Variants in GATM observed in about 807,000 individuals in gnomAD.
The protein encoded by GATM is glycine amidinotransferase.
A neutral mutation model predicts 54.2 loss-of-function variants in GATM; 23 were observed. The observed-to-expected ratio is 0.42, with a 90% CI of 0.31 to 0.60. The LOEUF (loss-of-function observed/expected upper bound fraction) is 0.60, where lower values mean the gene tolerates loss of function less well. Ranked by LOEUF, GATM falls within the 20% of genes least tolerant of loss-of-function variation. The pLI is 0.14. For missense variants in GATM, 401 were observed against 544.9 expected (o/e 0.74, Z 2.63); for synonymous variants, 168 against 183.1 (o/e 0.92, Z 0.67).
At chr15:45,377,581 G>A in intron 1 of GATM, 1 of 282,250 alleles carries the variant, frequency 3.5e-6, no homozygotes, top group South Asian at 3.4e-5. Flanking sequence ...CAACCCCTGA[G>A]CAAACCTCAA....
intron 8 of GATM, chr15:45,363,573 T>C (rs1407611017): frequency 1.7e-5 from 7 of 422,950 alleles, no homozygotes; most frequent in Non-Finnish European, 3.0e-5. Context: ...GATTTCTTAT[T>C]TGAAGAAGGG....
intron 3 of GATM, among the ~76,000 whole-genome samples, chr15:45,388,841 A>G (rs1045992643): frequency 1.3e-5 from 2 of 152,086 alleles, no homozygotes; most frequent in East Asian, 1.9e-4. Context: ...TTTCCTTTTC[A>G]TACTTTATTC....
At position 45,361,415 on chromosome 15, in the gene GATM, TTGAAA is replaced by T. The variant is rs1386140793; in HGVS notation, c.*689_*693del. On this transcript the variant is annotated 3_prime_UTR_variant, in exon 9 of 9. Transcript: ENST00000396659. ...AGAGAAAAAGATTAAAATAATTCAC[TTGAAA>T]TGAGGTAAGATGTATATGAAAAGGT... 6.6e-6 allele frequency: 1 copy of T among 152,172 alleles called. No individual in the cohort carries two copies. Among genetic ancestry groups the T allele is most frequent in the African/African-American group, 2.4e-5 (1 of 41,450 alleles). The allele number at this position is 152,172 out of a possible 1,614,324, so 9.4% of individuals were successfully genotyped here. A position where few individuals can be genotyped will look rare whatever the true frequency, so the allele number is the denominator to read the frequency against.
chr15:45,374,783 T>C (rs1566842208), intron 2 of GATM, among the ~76,000 whole-genome samples: 1 of 152,182 alleles, frequency 6.6e-6, no homozygotes, highest in Non-Finnish European at 1.5e-5. Context: ...TATTAATACC[T>C]CTAGAGCCCT....
At chr15:45,394,203 G>T (rs977922715) in intron 3 of GATM, among the ~76,000 whole-genome samples, 2 of 152,196 alleles carry the variant, frequency 1.3e-5, no homozygotes, top group African/African-American at 4.8e-5. Flanking sequence ...AGCAGCATTA[G>T]ATCATCATAG....
upstream of GATM, chr15:45,380,212 A>G (rs1243626587): frequency 6.9e-6 from 1 of 144,562 alleles, no homozygotes; most frequent in Non-Finnish European, 1.5e-5. Context: ...GAGCCACTAC[A>G]CTCCAGCCTG....
At chr15:45,362,844 T>C (rs1049224094) in intron 8 of GATM, among the ~76,000 whole-genome samples, 1 of 152,174 alleles carries the variant, frequency 6.6e-6, no homozygotes, top group African/African-American at 2.4e-5. Context: ...GAAGAATCTG[T>C]TGTGTTAGAT....
intron 3 of GATM, 28 bp downstream of exon 3, chr15:45,369,298 G>T: frequency 6.3e-7 from 1 of 1,589,542 alleles, no homozygotes; most frequent in Non-Finnish European, 8.6e-7. Flanking sequence ...TTCAGACACT[G>T]GCAGTTTAGT....
chr15:45,389,466 CAA>C (rs765251110), intron 3 of GATM, among the ~76,000 whole-genome samples: 21 of 152,290 alleles, frequency 1.4e-4, no homozygotes, highest in East Asian at 1.2e-3. Context: ...GTTTTTTAGA[CAA>C]AGTCTTGCTC....
At chr15:45,373,520 T>C (rs1036757081) in intron 2 of GATM, among the ~76,000 whole-genome samples, 2 of 70,400 alleles carry the variant, frequency 2.8e-5, no homozygotes, top group African/African-American at 1.0e-4. Context: ...TATATATCTA[T>C]ATATATATAT....
At chr15:45,380,734 G>A (rs182705698), upstream of GATM, among the ~76,000 whole-genome samples, 3 of 152,190 alleles carry the variant, frequency 2.0e-5, no homozygotes, top group South Asian at 2.1e-4. Flanking sequence ...ATGTTGTTAA[G>A]TTTTACATAA....
At chr15:45,366,297 G>C (rs917013788) in intron 5 of GATM, 74 bp downstream of exon 5, 57 of 1,605,194 alleles carry the variant, frequency 3.6e-5, no homozygotes, top group Non-Finnish European at 4.6e-5. Flanking sequence ...AAAAATTTAG[G>C]ATGAAAATAT....
intron 3 of GATM, among the ~76,000 whole-genome samples, chr15:45,384,495 T>C (rs1298417041): frequency 6.6e-6 from 1 of 152,090 alleles, no homozygotes; most frequent in African/African-American, 2.4e-5. Context: ...AGCATAGGGG[T>C]AGCTGTTGCT....
chr15:45,380,001 G>C (rs1010060949), upstream of GATM: 2 of 151,760 alleles, frequency 1.3e-5, no homozygotes, highest in Non-Finnish European at 2.9e-5. Flanking sequence ...GCGGGCGCCT[G>C]TAGTCCCAGC....
chr15:45,369,454 T>C lies in GATM; in HGVS notation c.356A>G (p.His119Arg). 6.2e-7 allele frequency: 1 copy of C among 1,614,178 alleles called. No individual in the cohort carries two copies. The highest frequency in any genetic ancestry group is 8.5e-7 in the Non-Finnish European group (1 of 1,179,996). Reference sequence around the variant, plus strand: ...AATTTCAGCAACAGCCTTTTTCAAATGATCTTTGGGAAAATAATGCCCTCC... The same window carrying C: ...AATTTCAGCAACAGCCTTTTTCAAACGATCTTTGGGAAAATAATGCCCTCC... ...KQGGHYFPKD[H>R]LKKAVAEIEE... Residue 119 changes from histidine to arginine, a missense_variant, in exon 3 of 9, where the codon CAT (histidine) becomes CGT (arginine). By Grantham distance (29) the His-to-Arg change is conservative. Coordinates refer to ENST00000396659, the MANE Select transcript of GATM (RefSeq NM_001482.3).
At chr15:45,369,274 A>G (rs1889498889) in intron 3 of GATM, 52 bp downstream of exon 3, 2 of 1,528,394 alleles carry the variant, frequency 1.3e-6, no homozygotes, top group Non-Finnish European at 9.1e-7. Flanking sequence ...ACACATTAAG[A>G]AAGAAATTGA....
chr15:45,362,211 G>C lies in GATM; in HGVS notation c.1170C>G (p.Thr390=), dbSNP rs368737044. ...QKMFEKLGIT[T]IKVNIRNANS... Reference sequence around the variant, plus strand: ...TGGCATTACGAATGTTAACTTTAATGGTAGTGATACCTGCATTGAAAGAGA... The same window carrying C: ...TGGCATTACGAATGTTAACTTTAATCGTAGTGATACCTGCATTGAAAGAGA... The change falls in exon 9 of 9, where the codon ACC becomes ACG. Residue 390 remains threonine, a synonymous_variant. Coordinates refer to ENST00000396659, the MANE Select transcript of GATM (RefSeq NM_001482.3). 5.3e-5 allele frequency: 85 copies of C among 1,599,032 alleles called. No homozygotes were observed. Among genetic ancestry groups the C allele is most frequent in the Non-Finnish European group, 7.1e-5 (83 of 1,166,488 alleles).
intron 8 of GATM, among the ~76,000 whole-genome samples, chr15:45,363,029 TC>T (rs2140637061): frequency 6.6e-6 from 1 of 152,268 alleles, no homozygotes; most frequent in South Asian, 2.1e-4. Context: ...ACACCCATAA[TC>T]CCAATGCTAT....
intron 2 of GATM, among the ~76,000 whole-genome samples, chr15:45,370,975 A>T (rs1265022648): frequency 6.6e-6 from 1 of 152,112 alleles, no homozygotes; most frequent in Non-Finnish European, 1.5e-5. Context: ...GGGTTTCACC[A>T]TGTTGGCCAG....
Sources: gnomAD v4.1 joint callset for allele counts (sites outside exome capture counted in the v4.1 genomes callset) on GRCh38, gnomAD v4.1.1 for gene constraint, MANE v1.5 for transcripts, NCBI Gene and HGNC (gene_info 2026-07-23, HGNC 2026-07-21) for gene names.